The following UBASH3B variants were observed in gnomAD, a reference collection of about 807,000 sequenced individuals.
UBASH3B encodes ubiquitin associated and SH3 domain containing B.
Under a neutral mutation model 83.4 loss-of-function variants are expected in UBASH3B, and 37 were observed. That is an observed-to-expected ratio of 0.44 (90% CI 0.34 to 0.58). UBASH3B has a LOEUF of 0.58. Ranked by LOEUF, UBASH3B falls within the 20% of genes least tolerant of loss-of-function variation. The pLI is 0.01. For missense variants in UBASH3B, 657 were observed against 827.2 expected (o/e 0.79, Z 2.52); for synonymous variants, 304 against 318.3 (o/e 0.96, Z 0.48).
In UBASH3B at chr11:122,743,416, A is replaced by G. The variant is rs535418544; in HGVS notation, c.162-32803A>G. ...TTCTTGTACAGTTGGGGGTCTCGCT[A>G]TGTTGCTCAAGCTAGTCTCAAACTT... On this transcript the variant is annotated intron_variant, in intron 1 of 13. Coordinates refer to ENST00000284273, the MANE Select transcript of UBASH3B (RefSeq NM_032873.5). Among the ~76,000 whole-genome samples the G allele has an allele frequency of 4.6e-5, 7 of 152,164 alleles. No individual in the cohort carries two copies. The South Asian group carries it at 1.2e-3, about 27-fold the overall frequency.
intron 1 of UBASH3B, among the ~76,000 whole-genome samples, chr11:122,681,653 G>A (rs1863740796): frequency 2.0e-5 from 3 of 151,898 alleles, no homozygotes; most frequent in Admixed American, 1.3e-4. Context: ...GTCTGCAGGG[G>A]TAATAGGCAC....
Position 122,796,184 on chromosome 11 carries a change from C to A in UBASH3B, c.1142C>A (p.Pro381His). ...CTGAGGGTCAACAGCCAGCCCGGCC[C>A]CCAGAAGCGATGCCTTTTTGTGTGT... ...QPLRVNSQPGPQKRCLFVCRH... is the reference protein window; with the variant it reads ...QPLRVNSQPGHQKRCLFVCRH... Residue 381 changes from proline to histidine, a missense_variant, in exon 8 of 14, where the codon CCC becomes CAC. Physicochemically the swap from Pro to His is moderately conservative, Grantham distance 77 (BLOSUM62 -2). Around this residue, in one of 3 missense-constraint regions of UBASH3B, gnomAD observed 573 missense variants for 739.0 expected, o/e 0.78. Coordinates refer to ENST00000284273, the MANE Select transcript of UBASH3B (RefSeq NM_032873.5). 6.2e-7 allele frequency: 1 copy of A among 1,614,112 alleles called. No homozygotes were observed. Among genetic ancestry groups the A allele is most frequent in the African/African-American group, 1.3e-5 (1 of 75,038 alleles).
At chr11:122,715,135 C>G (rs935264832) in intron 1 of UBASH3B, among the ~76,000 whole-genome samples, 1 of 152,078 alleles carries the variant, frequency 6.6e-6, no homozygotes, top group Non-Finnish European at 1.5e-5. Flanking sequence ...TTAGTAGAGA[C>G]GGGGTTTCAC....
chr11:122,761,798 T>C (rs1186622420), intron 1 of UBASH3B, among the ~76,000 whole-genome samples: 2 of 118,236 alleles, frequency 1.7e-5, no homozygotes, highest in African/African-American at 6.6e-5. Flanking sequence ...TTTTTTTTTT[T>C]TTTTTTTTTT....
rs766624212 is a variant in UBASH3B at position 122,796,922 on chromosome 11, C to T, written c.1246C>T (p.Arg416Cys). The T allele has an allele frequency of 3.1e-6, 5 of 1,614,140 alleles. No individual in the cohort carries two copies. The highest frequency in any genetic ancestry group is 2.5e-6 in the Non-Finnish European group (3 of 1,180,034). ...QCFDAKGRYI[R>C]TNLNMPHSLP... ...TCTTTGTTTTTCAGGCCGCTACATA[C>T]GCACCAACCTGAACATGCCTCATAG... The change falls in exon 9 of 14, where the codon CGC (arginine) becomes TGC (cysteine). Residue 416 changes from arginine to cysteine, a missense_variant. By Grantham distance (180) the Arg-to-Cys change is radical (BLOSUM62 -3). Around this residue, in one of 3 missense-constraint regions of UBASH3B, gnomAD observed 573 missense variants for 739.0 expected, o/e 0.78. Transcript: ENST00000284273.
At chr11:122,716,340 TTTTTTTGTA>T (rs1860525420) in intron 1 of UBASH3B, among the ~76,000 whole-genome samples, 2 of 152,196 alleles carry the variant, frequency 1.3e-5, no homozygotes, top group Admixed American at 1.3e-4. Flanking sequence ...GCCCAGCTAA[TTTTTTTGTA>T]TTTTTAGTAG....
chr11:122,662,806 A>C (rs1388064070), intron 1 of UBASH3B, among the ~76,000 whole-genome samples: 2 of 152,124 alleles, frequency 1.3e-5, no homozygotes, highest in East Asian at 3.9e-4. Context: ...ATACCCTTGT[A>C]CTTGGCTTCT....
At chr11:122,750,991 G>A (rs1861189963) in intron 1 of UBASH3B, among the ~76,000 whole-genome samples, 1 of 152,212 alleles carries the variant, frequency 6.6e-6, no homozygotes, top group Non-Finnish European at 1.5e-5. Context: ...GGATTATTGA[G>A]ATAGAGTTGA....
chr11:122,792,837 T>C (rs1193368273), intron 6 of UBASH3B, among the ~76,000 whole-genome samples: 1 of 152,128 alleles, frequency 6.6e-6, no homozygotes, highest in Non-Finnish European at 1.5e-5. Context: ...ACCTACTGAG[T>C]CACAATGTGT....
intron 1 of UBASH3B, among the ~76,000 whole-genome samples, chr11:122,748,608 A>T (rs1401138966): frequency 6.6e-6 from 1 of 152,200 alleles, no homozygotes; most frequent in Non-Finnish European, 1.5e-5. Flanking sequence ...TGACATTTTC[A>T]TCTTCTCCTT....
chr11:122,795,950 C>A (rs1241120985), intron 7 of UBASH3B, among the ~76,000 whole-genome samples: 1 of 152,214 alleles, frequency 6.6e-6, no homozygotes, highest in Non-Finnish European at 1.5e-5. Context: ...CTTTTCATAA[C>A]CCTTCCTATT....
chr11:122,771,568 A>T (rs1487514049), intron 1 of UBASH3B, among the ~76,000 whole-genome samples: 1 of 152,142 alleles, frequency 6.6e-6, no homozygotes, highest in Non-Finnish European at 1.5e-5. Flanking sequence ...GGTCCAGATC[A>T]AGCATCATTT....
In UBASH3B at chr11:122,698,067, C is replaced by T. The variant is rs553546361; in HGVS notation, c.161+41857C>T. 5.3e-5 allele frequency among the ~76,000 whole-genome samples: 8 copies of T among 152,292 alleles called. No individual in the cohort carries two copies. In the South Asian group the frequency reaches 6.2e-4, roughly 12 times the overall value. On this transcript the variant is annotated intron_variant, in intron 1 of 13. Coordinates refer to ENST00000284273, the MANE Select transcript of UBASH3B (RefSeq NM_032873.5). The stretch of plus-strand genomic sequence containing the variant: ...ATTCCAAAGCCAGCCCTGTCCAACC[C>T]GCACATTCTCTCAGTGAGGAAACCA...
At position 122,761,779 on chromosome 11, in the gene UBASH3B, CTTTTTTTTTTT is replaced by C. The variant is rs138806467; in HGVS notation, c.162-14419_162-14409del. Among the ~76,000 whole-genome samples the C allele has an allele frequency of 2.1e-4, 14 of 65,412 alleles. No homozygotes were observed. The South Asian group carries it at 7.6e-3, about 36-fold the overall frequency. The allele number at this position is 65,412 out of a possible 152,430, so 42.9% of individuals were successfully genotyped here. On this transcript the variant is annotated intron_variant, in intron 1 of 13. Transcript: ENST00000284273. ...CATTTTCATCTGTTTCTCCCAGATCCTTTTTTTTTTTTTTTTTTTTTTTTTTTTTTTGAGAC... is the reference window on the plus strand; with the variant it reads ...CATTTTCATCTGTTTCTCCCAGATCCTTTTTTTTTTTTTTTTTTTTGAGAC...
chr11:122,728,046 C>T (rs1175647428), intron 1 of UBASH3B, among the ~76,000 whole-genome samples: 2 of 151,956 alleles, frequency 1.3e-5, no homozygotes, highest in Non-Finnish European at 2.9e-5. Context: ...CTGTGTTGCC[C>T]AGGCTGGTCT....
intron 1 of UBASH3B, among the ~76,000 whole-genome samples, chr11:122,700,089 G>A (rs940554278): frequency 4.6e-5 from 7 of 152,136 alleles, no homozygotes; most frequent in Non-Finnish European, 1.0e-4. Flanking sequence ...GGGTACTAGC[G>A]GAGACCCGAC....
At chr11:122,694,431 A>C (rs1036969187) in intron 1 of UBASH3B, among the ~76,000 whole-genome samples, 1 of 152,140 alleles carries the variant, frequency 6.6e-6, no homozygotes, top group South Asian at 2.1e-4. Context: ...ATGGTGGCAC[A>C]TGCCTGTAGT....
At chr11:122,749,225 T>C (rs1861165254) in intron 1 of UBASH3B, among the ~76,000 whole-genome samples, 1 of 152,252 alleles carries the variant, frequency 6.6e-6, no homozygotes, top group Non-Finnish European at 1.5e-5. Flanking sequence ...TTAGTTGGTG[T>C]CTAATTTGTG....
At chr11:122,750,260 C>T (rs1185020431) in intron 1 of UBASH3B, among the ~76,000 whole-genome samples, 1 of 152,170 alleles carries the variant, frequency 6.6e-6, no homozygotes, top group Non-Finnish European at 1.5e-5. Flanking sequence ...GGCTCAGTTG[C>T]AGGGCCCCCC....
Sources: allele counts gnomAD v4.1 joint callset (sites outside exome capture counted in the v4.1 genomes callset), GRCh38; gene constraint gnomAD v4.1.1; regional missense constraint gnomAD v4.1.1; transcripts MANE v1.5; gene names NCBI Gene and HGNC (gene_info 2026-07-23, HGNC 2026-07-21).